The following CD226 variants were observed in gnomAD, a reference collection of about 807,000 sequenced individuals.
The protein encoded by CD226 is CD226 molecule, also known as CD226 antigen.
Under a neutral mutation model 34.9 loss-of-function variants are expected in CD226, and 24 were observed. The ratio of observed to expected loss-of-function variants is 0.69; its 90% CI spans 0.50 to 0.97. The LOEUF (loss-of-function observed/expected upper bound fraction) is 0.97. Among genes scored for constraint, CD226 ranks in the 50% least tolerant of loss-of-function variants. The pLI is 0.00. For synonymous variants in CD226, 148 were observed against 147.4 expected (o/e 1.00, Z -0.03); for missense variants, 397 against 412.7 (o/e 0.96, Z 0.33).
intron 4 of CD226, among the ~76,000 whole-genome samples, chr18:69,872,064 G>GTC (rs1201463081): frequency 7.8e-6 from 1 of 128,350 alleles, no homozygotes; most frequent in Non-Finnish European, 1.7e-5. Flanking sequence ...AGGGGTGTGT[G>GTC]TGTGTGTGTG....
upstream of CD226, among the ~76,000 whole-genome samples, chr18:69,951,850 A>G (rs750765282): frequency 6.6e-6 from 1 of 152,240 alleles, no homozygotes; most frequent in African/African-American, 2.4e-5. Flanking sequence ...TACAACGTCT[A>G]TGGAAAATAG....
At chr18:69,947,330 T>C (rs769216479) in intron 1 of CD226, 31 bp downstream of exon 1, 2 of 1,439,186 alleles carry the variant, frequency 1.4e-6, no homozygotes, top group Non-Finnish European at 1.9e-6. Flanking sequence ...GGAGCAAAAC[T>C]TTTAAATGAA....
chr18:69,910,476 C>G (rs1350469152), intron 2 of CD226, among the ~76,000 whole-genome samples: 1 of 152,200 alleles, frequency 6.6e-6, no homozygotes, highest in Non-Finnish European at 1.5e-5. Context: ...CTGCAGGACA[C>G]TGGGCTAGTA....
intron 4 of CD226, among the ~76,000 whole-genome samples, chr18:69,868,472 T>C (rs748218359): frequency 6.6e-6 from 1 of 152,238 alleles, no homozygotes; most frequent in Admixed American, 6.5e-5. Flanking sequence ...ATCATGTCAA[T>C]ATAATCTTAC....
At chr18:69,886,900 T>C (rs1199106875) in intron 3 of CD226, among the ~76,000 whole-genome samples, 1 of 152,152 alleles carries the variant, frequency 6.6e-6, no homozygotes, top group Non-Finnish European at 1.5e-5. Context: ...TTTTAAACCA[T>C]TTTATGAAAA....
intron 2 of CD226, among the ~76,000 whole-genome samples, chr18:69,906,606 A>AT (rs2055256712): frequency 6.6e-6 from 1 of 152,328 alleles, no homozygotes; most frequent in African/African-American, 2.4e-5. Context: ...TATGAGCCCT[A>AT]TTTTGCCTAG....
chr18:69,899,347 A>G (rs896464107), intron 2 of CD226, among the ~76,000 whole-genome samples: 22 of 152,168 alleles, frequency 1.4e-4, no homozygotes, highest in Admixed American at 1.2e-3. Flanking sequence ...CCACTTCACA[A>G]AACCCTGAGT....
At chr18:69,950,434 A>G (rs2055842653), upstream of CD226, among the ~76,000 whole-genome samples, 1 of 152,238 alleles carries the variant, frequency 6.6e-6, no homozygotes, top group African/African-American at 2.4e-5. Flanking sequence ...TATGAAGTGC[A>G]TGTCACGTTA....
At chr18:69,904,319 G>A (rs1001025588) in intron 2 of CD226, among the ~76,000 whole-genome samples, 1 of 152,166 alleles carries the variant, frequency 6.6e-6, no homozygotes, top group Non-Finnish European at 1.5e-5. Context: ...TCCAAAGAGC[G>A]ATTCCCCTGT....
chr18:69,951,689 A>G (rs2055855438), upstream of CD226, among the ~76,000 whole-genome samples: 1 of 152,230 alleles, frequency 6.6e-6, no homozygotes, highest in Non-Finnish European at 1.5e-5. Flanking sequence ...TCAAAACTGT[A>G]GTACACAGCT....
At chr18:69,912,420 C>T (rs1293512372) in intron 2 of CD226, among the ~76,000 whole-genome samples, 1 of 152,152 alleles carries the variant, frequency 6.6e-6, no homozygotes, top group Non-Finnish European at 1.5e-5. Flanking sequence ...TAAAATGATG[C>T]CCCTTCTATG....
chr18:69,872,831 G>T (rs550627419), intron 4 of CD226, among the ~76,000 whole-genome samples: 1 of 152,030 alleles, frequency 6.6e-6, no homozygotes, highest in Non-Finnish European at 1.5e-5. Flanking sequence ...TCCATCTCGC[G>T]CTGTGTCATA....
intron 2 of CD226, among the ~76,000 whole-genome samples, chr18:69,906,602 C>T (rs141843231): frequency 6.6e-6 from 1 of 152,308 alleles, no homozygotes; most frequent in African/African-American, 2.4e-5. Context: ...TGAATATGAG[C>T]CCTATTTTGC....
chr18:69,906,654 A>G (rs1218502081), intron 2 of CD226, among the ~76,000 whole-genome samples: 7 of 152,376 alleles, frequency 4.6e-5, no homozygotes, highest in East Asian at 1.9e-4. Context: ...CAGGCAAGAA[A>G]GGTGAGGATT....
chr18:69,928,285 CT>C (rs1473241664), intron 2 of CD226, among the ~76,000 whole-genome samples: 1 of 152,154 alleles, frequency 6.6e-6, no homozygotes, highest in African/African-American at 2.4e-5. Flanking sequence ...ATCACTCCCC[CT>C]ACTTCACCCC....
chr18:69,870,428 C>T (rs1161235856), intron 4 of CD226, among the ~76,000 whole-genome samples: 3 of 151,696 alleles, frequency 2.0e-5, no homozygotes, highest in South Asian at 2.1e-4. Flanking sequence ...GCACCCACCA[C>T]CACGCCCAGC....
intron 2 of CD226, among the ~76,000 whole-genome samples, chr18:69,927,204 G>A (rs145165046): frequency 5.9e-5 from 9 of 152,244 alleles, no homozygotes; most frequent in East Asian, 3.9e-4. Context: ...AGAAGGCGCC[G>A]TCTTGGAAGC....
chr18:69,933,588 G>C lies in CD226; in HGVS notation c.382+13146C>G, dbSNP rs546918355. Among the ~76,000 whole-genome samples the C allele has an allele frequency of 1.6e-4, 25 of 152,270 alleles. No homozygotes were observed. The East Asian group carries it at 4.6e-3, about 28-fold the overall frequency. ...ACTTGGCCCAAACGTTTTACATGGC[G>C]TATAGGCATACATTCTTTCTTTTCC... On this transcript the variant is annotated intron_variant, in intron 2 of 5. Transcript: ENST00000582621.
chr18:69,906,608 T>C (rs2055256747), intron 2 of CD226, among the ~76,000 whole-genome samples: 1 of 152,204 alleles, frequency 6.6e-6, no homozygotes, highest in Admixed American at 6.5e-5. Context: ...TGAGCCCTAT[T>C]TTGCCTAGCA....
Sources: allele counts gnomAD v4.1 joint callset (sites outside exome capture counted in the v4.1 genomes callset), GRCh38; gene constraint gnomAD v4.1.1; transcripts MANE v1.5; gene names NCBI Gene and HGNC (gene_info 2026-07-23, HGNC 2026-07-21).